The following DPYSL2 variants were observed in gnomAD, a reference collection of about 807,000 sequenced individuals.
DPYSL2 encodes the protein dihydropyrimidinase-related protein 2.
Under a neutral mutation model 69.9 loss-of-function variants are expected in DPYSL2, and 13 were observed. The observed-to-expected ratio is 0.19, with a 90% CI of 0.12 to 0.30. DPYSL2 has a LOEUF of 0.30. Ranked by LOEUF, DPYSL2 falls within the 10% of genes least tolerant of loss-of-function variation. DPYSL2 has a pLI of 1.00. For missense variants in DPYSL2, 587 were observed against 918.9 expected (o/e 0.64, Z 4.67); for synonymous variants, 326 against 359.1 (o/e 0.91, Z 1.04).
chr8:26,636,175 A>C (rs1585564211), intron 8 of DPYSL2, among the ~76,000 whole-genome samples: 1 of 114,982 alleles, frequency 8.7e-6, no homozygotes, highest in Non-Finnish European at 2.2e-5. Flanking sequence ...ATAAGAAAGC[A>C]TTCACCTAAA....
chr8:26,556,339 G>GTATATATATAGTATATATATATATAC (rs1563385424), intron 1 of DPYSL2, among the ~76,000 whole-genome samples: 1 of 5,778 alleles, frequency 1.7e-4, no homozygotes, highest in African/African-American at 3.5e-4. Context: ...TATATATATA[G>GTATATATATAGTATATATATATATAC]TATATATATA....
At chr8:26,535,301 C>T (rs1308114999) in intron 1 of DPYSL2, among the ~76,000 whole-genome samples, 3 of 152,144 alleles carry the variant, frequency 2.0e-5, no homozygotes, top group African/African-American at 7.2e-5. Flanking sequence ...AAGGCCCTAC[C>T]TCCAGATACC....
In DPYSL2 at chr8:26,657,381, G is replaced by A. The variant is rs920717907; in HGVS notation, c.*1675G>A. Reference sequence around the variant, plus strand: ...GCATTGTATTCCAAACGTGTTTACAGGTTCTCTTAAGCAATGTTGTATTTG... The same window carrying A: ...GCATTGTATTCCAAACGTGTTTACAAGTTCTCTTAAGCAATGTTGTATTTG... On this transcript the variant is annotated 3_prime_UTR_variant, in exon 14 of 14. Coordinates refer to ENST00000521913, the MANE Select transcript of DPYSL2 (RefSeq NM_001197293.3). 6.6e-6 allele frequency: 1 copy of A among 152,624 alleles called. No individual in the cohort carries two copies. Among genetic ancestry groups the A allele is most frequent in the African/African-American group, 2.4e-5 (1 of 41,442 alleles). The allele number at this position is 152,624 out of a possible 1,614,324, so 9.5% of individuals were successfully genotyped here. A position where few individuals can be genotyped will look rare whatever the true frequency, so the allele number is the denominator to read the frequency against.
At position 26,640,009 on chromosome 8, in the gene DPYSL2, G is replaced by A. The variant is rs62493398; in HGVS notation, c.1127-3430G>A. On this transcript the variant is annotated intron_variant, in intron 8 of 13. Transcript: ENST00000521913. This position sits in a 1 kb window ranked among gnomAD's most constrained non-coding sequence, Gnocchi z 4.2. ...TGGCATAAATTCTTGGAAAGGCAAA[G>A]GAGAATGGTGAGAGCGTGTGTAACT... is the stretch of plus-strand genomic sequence containing the variant. Among the ~76,000 whole-genome samples the A allele has an allele frequency of 0.092, 14,029 of 152,266 alleles. 744 individuals carry two copies. Among genetic ancestry groups the A allele is most frequent in the South Asian group, 0.14 (657 of 4,826 alleles).
In DPYSL2 at chr8:26,590,223, G is replaced by A. The variant is rs140053560; in HGVS notation, c.628+6240G>A. On this transcript the variant is annotated intron_variant, in intron 3 of 13. Transcript: ENST00000521913. ...AGTTTCAAAGTCCAGGACCAAAGTT[G>A]TTGCCACAAAATCTGCCTGTGGCCT... 2.5e-3 allele frequency among the ~76,000 whole-genome samples: 383 copies of A among 152,342 alleles called. 5 individuals are homozygous for A. The highest frequency in any genetic ancestry group is 8.0e-3 in the African/African-American group (333 of 41,576).
chr8:26,548,926 C>T (rs1213804098), intron 1 of DPYSL2, among the ~76,000 whole-genome samples: 1 of 151,436 alleles, frequency 6.6e-6, no homozygotes, highest in Non-Finnish European at 1.5e-5. Context: ...CAGTGGCTCA[C>T]GCCTATAATC....
intron 1 of DPYSL2, among the ~76,000 whole-genome samples, chr8:26,527,058 G>A (rs1296946792): frequency 6.6e-6 from 1 of 152,226 alleles, no homozygotes; most frequent in Non-Finnish European, 1.5e-5. Context: ...GCATTTTGTG[G>A]CTTGAGCCAA....
intron 1 of DPYSL2, among the ~76,000 whole-genome samples, chr8:26,570,741 G>GAAAA (rs572040580): frequency 8.3e-5 from 9 of 108,288 alleles, no homozygotes; most frequent in Non-Finnish European, 1.1e-4. Flanking sequence ...CTTAGAAAAG[G>GAAAA]AAAAAAAAAA....
intron 1 of DPYSL2, among the ~76,000 whole-genome samples, chr8:26,574,171 T>C (rs1284872794): frequency 1.3e-5 from 2 of 152,202 alleles, no homozygotes; most frequent in East Asian, 1.9e-4. Flanking sequence ...GAAAACTTCA[T>C]AGACATGGTA....
intron 8 of DPYSL2, chr8:26,637,685 G>C (rs1415250596): frequency 6.6e-6 from 1 of 152,190 alleles, no homozygotes; most frequent in South Asian, 2.1e-4. Context: ...AGTATTAATT[G>C]TTTGCCTCCA....
In DPYSL2 at chr8:26,579,874, T is replaced by G. The variant is rs1349959514; in HGVS notation, c.355-2095T>G. ...TTCGTGAATGAACAAGGCAGCTTCA[T>G]TTTGACAGTGTGGGGAGAAAAAAAA... is the stretch of plus-strand genomic sequence containing the variant. On this transcript the variant is annotated intron_variant, in intron 1 of 13. Transcript: ENST00000521913. 2.3e-5 allele frequency among the ~76,000 whole-genome samples: 3 copies of G among 128,862 alleles called. 1 individual carries two copies. The Admixed American group carries it at 2.5e-4, about 11-fold the overall frequency. 84.5% of individuals were successfully genotyped at this position (128,862 alleles called of 152,430 possible).
rs1263705977 is a variant in DPYSL2, at chr8:26,643,722, AG to A, written c.1283+129del. Reference sequence around the variant, plus strand: ...CTGGGAGACCCTTGTTCACCAAACTAGGTTGGCTACATGAGTACAGGGAATT... The same window carrying A: ...CTGGGAGACCCTTGTTCACCAAACTAGTTGGCTACATGAGTACAGGGAATT... On this transcript the variant is annotated intron_variant, in intron 9 of 13. Transcript: ENST00000521913. This position sits in a 1 kb window ranked among gnomAD's most constrained non-coding sequence, Gnocchi z 6.5. 7.1e-7 allele frequency: 1 copy of A among 1,409,242 alleles called. No individual in the cohort carries two copies. Among genetic ancestry groups the A allele is most frequent in the East Asian group, 2.3e-5 (1 of 42,674 alleles). 87.3% of individuals were successfully genotyped at this position (1,409,242 alleles called of 1,614,324 possible). A position where few individuals can be genotyped will look rare whatever the true frequency, so the allele number is the denominator to read the frequency against.
At position 26,619,487 on chromosome 8, in the gene DPYSL2, T is replaced by C. The variant is rs1464091567; in HGVS notation, c.629-4656T>C. 1 of 152,200 alleles carries C rather than the reference T, an allele frequency of 6.6e-6. No individual in the cohort carries two copies. The highest frequency in any genetic ancestry group is 2.4e-5 in the African/African-American group (1 of 41,446). The allele number at this position is 152,200 out of a possible 1,614,324, so 9.4% of individuals were successfully genotyped here. A position where few individuals can be genotyped will look rare whatever the true frequency, so the allele number is the denominator to read the frequency against. On this transcript the variant is annotated intron_variant, in intron 3 of 13. Coordinates refer to ENST00000521913, the MANE Select transcript of DPYSL2 (RefSeq NM_001197293.3). The surrounding 1 kb of genome is among the most constrained non-coding windows in gnomAD (Gnocchi z 4.8). ...CAGCCAGGGAACATGCTATTTTTTG[T>C]AAGTGATGATGCTGTTGTGTAGTAA... is the stretch of plus-strand genomic sequence containing the variant.
At chr8:26,555,370 A>G (rs1007098007) in intron 1 of DPYSL2, among the ~76,000 whole-genome samples, 1 of 152,166 alleles carries the variant, frequency 6.6e-6, no homozygotes, top group Non-Finnish European at 1.5e-5. Flanking sequence ...AACTACAATA[A>G]AAACTCCTGG....
In DPYSL2 at chr8:26,650,903, A is replaced by G. The variant is rs1246538748; in HGVS notation, c.1597-1354A>G. ...AATGTCAAGCTGAGAATTTACTGTA[A>G]AATGCCCTCAGTGGGGTTGTCCCCC... On this transcript the variant is annotated intron_variant, in intron 11 of 13. Coordinates refer to ENST00000521913, the MANE Select transcript of DPYSL2 (RefSeq NM_001197293.3). This position sits in a 1 kb window ranked among gnomAD's most constrained non-coding sequence, Gnocchi z 5.3. Among the ~76,000 whole-genome samples, 2 of 152,156 alleles carry G rather than the reference A, an allele frequency of 1.3e-5. No homozygotes were observed. The highest frequency in any genetic ancestry group is 4.8e-5 in the African/African-American group (2 of 41,446).
At chr8:26,628,150 GT>G (rs1397460885) in intron 7 of DPYSL2, among the ~76,000 whole-genome samples, 3 of 152,214 alleles carry the variant, frequency 2.0e-5, no homozygotes, top group Non-Finnish European at 4.4e-5. Context: ...GGTGTGGACT[GT>G]TTCGCCAGAA....
rs989435128 is a variant in DPYSL2 at position 26,652,102 on chromosome 8, A to G, written c.1597-155A>G. On this transcript the variant is annotated intron_variant, in intron 11 of 13. Coordinates refer to ENST00000521913, the MANE Select transcript of DPYSL2 (RefSeq NM_001197293.3). This position sits in a 1 kb window ranked among gnomAD's most constrained non-coding sequence, Gnocchi z 6.3. ...ATTCTAGACAGGGAAATGGAGACAC[A>G]GCAAGTAAGTGCCTGCTGGGGTGCC... Among the ~76,000 whole-genome samples the G allele has an allele frequency of 2.6e-5, 4 of 152,172 alleles. No homozygotes were observed. The highest frequency in any genetic ancestry group is 7.2e-5 in the African/African-American group (3 of 41,440).
rs573629509 is a variant in DPYSL2 at position 26,648,787 on chromosome 8, T to G, written c.1596+987T>G. Reference sequence around the variant, plus strand: ...TTGCCCTGTCCCAGTCCTCTCTCATTTGCACACACAGAGGTGTTTGGGCTG... The same window carrying G: ...TTGCCCTGTCCCAGTCCTCTCTCATGTGCACACACAGAGGTGTTTGGGCTG... On this transcript the variant is annotated intron_variant, in intron 11 of 13. Transcript: ENST00000521913. This position sits in a 1 kb window ranked among gnomAD's most constrained non-coding sequence, Gnocchi z 4.3. Among the ~76,000 whole-genome samples the G allele has an allele frequency of 5.9e-5, 9 of 152,322 alleles. No homozygotes were observed. The South Asian group carries it at 1.0e-3, about 18-fold the overall frequency.
chr8:26,544,429 A>C (rs1800732257), intron 1 of DPYSL2, among the ~76,000 whole-genome samples: 1 of 152,226 alleles, frequency 6.6e-6, no homozygotes, highest in African/African-American at 2.4e-5. Flanking sequence ...GATATTTACA[A>C]AGTGTGTTCT....
Sources: gnomAD v4.1 joint callset for allele counts (sites outside exome capture counted in the v4.1 genomes callset) on GRCh38, gnomAD v4.1.1 for gene constraint, Gnocchi (gnomAD v3.1) non-coding constraint, MANE v1.5 for transcripts, NCBI Gene and HGNC (gene_info 2026-07-23, HGNC 2026-07-21) for gene names.